The following STXBP5 variants were observed in gnomAD, a reference collection of about 807,000 sequenced individuals.
STXBP5 encodes the protein syntaxin-binding protein 5.
A neutral mutation model predicts 152.4 loss-of-function variants in STXBP5; 50 were observed. The ratio of observed to expected loss-of-function variants is 0.33; its 90% CI spans 0.26 to 0.42. The LOEUF (loss-of-function observed/expected upper bound fraction) is 0.42. Ranked by LOEUF, STXBP5 falls within the 10% of genes least tolerant of loss-of-function variation. The pLI is 1.00. For missense variants in STXBP5, 1,167 were observed against 1,388.6 expected (o/e 0.84, Z 2.54); for synonymous variants, 492 against 494.7 (o/e 0.99, Z 0.07).
chr6:147,329,771 G>A (rs774458059), intron 18 of STXBP5, among the ~76,000 whole-genome samples: 51 of 151,700 alleles, frequency 3.4e-4, no homozygotes, highest in Non-Finnish European at 5.7e-4. Flanking sequence ...GACTACAGGC[G>A]CCCGCTACCG....
At chr6:147,281,131 A>G (rs941658964) in intron 8 of STXBP5, among the ~76,000 whole-genome samples, 1 of 152,196 alleles carries the variant, frequency 6.6e-6, no homozygotes, top group African/African-American at 2.4e-5. Context: ...ATGTTGGCAC[A>G]CTGCAACCTC....
intron 11 of STXBP5, among the ~76,000 whole-genome samples, chr6:147,312,770 T>C (rs1240045468): frequency 2.6e-5 from 4 of 152,194 alleles, no homozygotes; most frequent in African/African-American, 9.6e-5. Context: ...CTTTTCAAAA[T>C]AACAAGATAA....
rs753449679 is a variant in STXBP5 at position 147,359,235 on chromosome 6, A to G, written c.2457A>G (p.Thr819=). The change falls in exon 23 of 28, where the codon ACA becomes ACG. Residue 819 remains threonine, a synonymous_variant. Transcript: ENST00000321680. ...CTTCCCCTTGTCTATGGGTTGGAAC[A>G]ACGCTAGGAACAGTGCTTGTCATTG... The part of the protein sequence containing the change: ...SSPSPCLWVG[T]TLGTVLVIAL... 3.7e-6 allele frequency: 6 copies of G among 1,614,040 alleles called. No homozygotes were observed. The highest frequency in any genetic ancestry group is 3.4e-6 in the Non-Finnish European group (4 of 1,179,928).
rs930734577 is a variant in STXBP5 at position 147,334,184 on chromosome 6, C to T, written c.2108C>T (p.Thr703Ile). 2 of 1,612,208 alleles carry T rather than the reference C, an allele frequency of 1.2e-6. No individual in the cohort carries two copies. Among genetic ancestry groups the T allele is most frequent in the African/African-American group, 1.3e-5 (1 of 74,912 alleles). ...GAGLCDISEG[T>I]VVPEDRCKSP... The stretch of plus-strand genomic sequence containing the variant: ...GGTCTGTGTGATATTAGTGAAGGGA[C>T]TGTTGTTCCAGAGGATCGCTGCAAA... The change falls in exon 19 of 28, where the codon ACT (threonine) becomes ATT (isoleucine). Residue 703 changes from threonine (T) to isoleucine (I), a missense_variant. Thr to Ile is a moderately conservative substitution (Grantham distance 89). Around this residue, in one of 3 missense-constraint regions of STXBP5, gnomAD observed 833 missense variants for 986.3 expected, o/e 0.84. Coordinates refer to ENST00000321680, the MANE Select transcript of STXBP5 (RefSeq NM_001127715.4).
At chr6:147,246,910 A>G (rs1024024229) in intron 4 of STXBP5, among the ~76,000 whole-genome samples, 1 of 152,174 alleles carries the variant, frequency 6.6e-6, no homozygotes, top group African/African-American at 2.4e-5. Flanking sequence ...CAATGAGTTG[A>G]CACCCTAGCA....
rs575204327 is a variant in STXBP5, at chr6:147,247,034, A to T, written c.431+7764A>T. Reference sequence around the variant, plus strand: ...TGCTTTGCATATTTATAAAGCTTGTAATTTGCTTAGTATGCACATTAGTGC... The same window carrying T: ...TGCTTTGCATATTTATAAAGCTTGTTATTTGCTTAGTATGCACATTAGTGC... On this transcript the variant is annotated intron_variant, in intron 4 of 27. Coordinates refer to ENST00000321680, the MANE Select transcript of STXBP5 (RefSeq NM_001127715.4). Among the ~76,000 whole-genome samples, 5 of 152,316 alleles carry T rather than the reference A, an allele frequency of 3.3e-5. No individual in the cohort carries two copies. In the East Asian group the frequency reaches 9.6e-4, roughly 29 times the overall value.
At chr6:147,263,342 C>CTTTTTTTTTTTTTTTTTTTTTTTTTTT (rs1029110765) in intron 6 of STXBP5, among the ~76,000 whole-genome samples, 1 of 128,828 alleles carries the variant, frequency 7.8e-6, no homozygotes, top group African/African-American at 2.8e-5. Flanking sequence ...TTCTTTCTTT[C>CTTTTTTTTTTTTTTTTTTTTTTTTTTT]TTTTTTTTTT....
intron 24 of STXBP5, 133 bp downstream of exon 24, chr6:147,363,837 A>G (rs927471329): frequency 2.9e-6 from 4 of 1,400,062 alleles, no homozygotes; most frequent in Non-Finnish European, 3.8e-6. Flanking sequence ...TATTCTGTTA[A>G]TAGTGAACAA....
chr6:147,353,931 C>T, intron 22 of STXBP5, among the ~76,000 whole-genome samples: 1 of 151,984 alleles, frequency 6.6e-6, no homozygotes, highest in Non-Finnish European at 1.5e-5. Flanking sequence ...TATATCTAAC[C>T]CACGAACAGC....
chr6:147,348,359 T>TC (rs1784435230), intron 21 of STXBP5, among the ~76,000 whole-genome samples: 1 of 120,040 alleles, frequency 8.3e-6, no homozygotes, highest in African/African-American at 3.2e-5. Flanking sequence ...CTCCCTCACC[T>TC]CCTTCCTCCT....
Position 147,310,080 on chromosome 6 carries a change from C to A in STXBP5, c.918-4C>A. The A allele has an allele frequency of 1.3e-6, 2 of 1,516,584 alleles. No homozygotes were observed. The highest frequency in any genetic ancestry group is 1.8e-6 in the Non-Finnish European group (2 of 1,135,422). 93.9% of individuals were successfully genotyped at this position (1,516,584 alleles called of 1,614,324 possible). ...AATAATCTTAATATGTATTTTATTT[C>A]CAGGGAGCCTTTTATTATTTTATCA... On this transcript the variant is annotated splice_polypyrimidine_tract_variant and splice_region_variant and intron_variant, in intron 9 of 27. Coordinates refer to ENST00000321680, the MANE Select transcript of STXBP5 (RefSeq NM_001127715.4).
intron 2 of STXBP5, among the ~76,000 whole-genome samples, chr6:147,215,044 G>A (rs560539621): frequency 6.6e-6 from 1 of 152,338 alleles, no homozygotes; most frequent in African/African-American, 2.4e-5. Flanking sequence ...AGACCAGATA[G>A]CAAATTATGG....
At chr6:147,383,433 G>C (rs144183498) in intron 27 of STXBP5, among the ~76,000 whole-genome samples, 1 of 152,010 alleles carries the variant, frequency 6.6e-6, no homozygotes, top group Non-Finnish European at 1.5e-5. Context: ...CTAAGTCCGC[G>C]TTGTGGACCA....
At chr6:147,208,472 T>A (rs993654451) in intron 2 of STXBP5, among the ~76,000 whole-genome samples, 3 of 152,186 alleles carry the variant, frequency 2.0e-5, no homozygotes, top group Non-Finnish European at 4.4e-5. Context: ...CACATTTGGT[T>A]AACGTGCAGA....
intron 25 of STXBP5, among the ~76,000 whole-genome samples, chr6:147,371,280 T>G (rs1248670774): frequency 1.3e-5 from 2 of 152,052 alleles, no homozygotes; most frequent in Non-Finnish European, 2.9e-5. Context: ...TACCTATATA[T>G]TTTATGTATT....
rs1316381793 is a variant in STXBP5, at chr6:147,329,687, G to A, written c.2080+2411G>A. Among the ~76,000 whole-genome samples the A allele has an allele frequency of 4.3e-5, 6 of 139,876 alleles. 1 individual carries two copies. Among genetic ancestry groups the A allele is most frequent in the African/African-American group, 1.1e-4 (4 of 37,592 alleles). 91.8% of individuals were successfully genotyped at this position (139,876 alleles called of 152,430 possible). Reference sequence around the variant, plus strand: ...TTCGCCCAGGCTGGACTGCAGTGGCGCTGTCTTGGCTCACTGCAAGCTCCG... The same window carrying A: ...TTCGCCCAGGCTGGACTGCAGTGGCACTGTCTTGGCTCACTGCAAGCTCCG... On this transcript the variant is annotated intron_variant, in intron 18 of 27. Coordinates refer to ENST00000321680, the MANE Select transcript of STXBP5 (RefSeq NM_001127715.4).
chr6:147,272,318 T>C (rs550525823), intron 7 of STXBP5, among the ~76,000 whole-genome samples: 9 of 152,312 alleles, frequency 5.9e-5, no homozygotes, highest in Admixed American at 4.6e-4. Flanking sequence ...CCAGTATCCT[T>C]GGTGAACACA....
chr6:147,345,009 A>G (rs912280246), intron 21 of STXBP5, among the ~76,000 whole-genome samples: 3 of 152,196 alleles, frequency 2.0e-5, no homozygotes, highest in Non-Finnish European at 2.9e-5. Flanking sequence ...ACAAGTACTC[A>G]TATCTTTAAA....
Position 147,310,182 on chromosome 6 carries a change from AAATGGACTATTC to A in STXBP5, c.1020_1031del (p.Met340_Ser343del). 1 of 1,605,076 alleles carries A rather than the reference AAATGGACTATTC, an allele frequency of 6.2e-7. No individual in the cohort carries two copies. Among genetic ancestry groups the A allele is most frequent in the Non-Finnish European group, 8.5e-7 (1 of 1,177,412 alleles). On this transcript the variant is annotated inframe_deletion, in exon 10 of 28. Coordinates refer to ENST00000321680, the MANE Select transcript of STXBP5 (RefSeq NM_001127715.4). ...CATGGGAAAAGCACTGCTGTGCTAG[AAATGGACTATTC>A]AATTGTTGATTTTCTAACGCTGTGT...
Sources: allele counts gnomAD v4.1 joint callset (sites outside exome capture counted in the v4.1 genomes callset), GRCh38; gene constraint gnomAD v4.1.1; regional missense constraint gnomAD v4.1.1; transcripts MANE v1.5; gene names NCBI Gene and HGNC (gene_info 2026-07-23, HGNC 2026-07-21).